The following EFNA5 variants were observed in gnomAD, a reference collection of about 807,000 sequenced individuals.
EFNA5 encodes the protein ephrin-A5.
Under a neutral mutation model 22.9 loss-of-function variants are expected in EFNA5, and 5 were observed. The ratio of observed to expected loss-of-function variants is 0.22; its 90% CI spans 0.11 to 0.46. EFNA5 has a LOEUF of 0.46. Among genes scored for constraint, EFNA5 ranks in the 20% least tolerant of loss-of-function variants. The pLI, the probability that EFNA5 is intolerant of heterozygous loss-of-function variation, is 0.99. For synonymous variants in EFNA5, 113 were observed against 112.2 expected (o/e 1.01, Z -0.04); for missense variants, 237 against 293.3 (o/e 0.81, Z 1.40).
chr5:107,587,808 C>T (rs759724552), intron 1 of EFNA5, among the ~76,000 whole-genome samples: 14 of 152,334 alleles, frequency 9.2e-5, no homozygotes, highest in South Asian at 2.1e-4. Context: ...TAAGCCACTG[C>T]GCCTGGCCTG....
At chr5:107,482,575 C>T (rs1416773066) in intron 1 of EFNA5, among the ~76,000 whole-genome samples, 2 of 152,092 alleles carry the variant, frequency 1.3e-5, no homozygotes, top group African/African-American at 4.8e-5. Context: ...CCTAGCTGCA[C>T]TGGGAGTTGC....
At chr5:107,453,075 A>G (rs1367870869) in intron 1 of EFNA5, among the ~76,000 whole-genome samples, 1 of 152,148 alleles carries the variant, frequency 6.6e-6, no homozygotes, top group African/African-American at 2.4e-5. Flanking sequence ...CTTTCTAAAG[A>G]CACTTTACTT....
chr5:107,534,678 T>C (rs886576676), intron 1 of EFNA5, among the ~76,000 whole-genome samples: 6 of 152,318 alleles, frequency 3.9e-5, no homozygotes, highest in Admixed American at 2.6e-4. Context: ...GTGCCAAACC[T>C]TAACCTCAAG....
At chr5:107,669,952 C>T (rs376063626) in intron 1 of EFNA5, among the ~76,000 whole-genome samples, 1 of 151,606 alleles carries the variant, frequency 6.6e-6, no homozygotes, top group East Asian at 2.0e-4. Context: ...AAAGCTTCCG[C>T]TTCCCAGCCC....
At chr5:107,579,103 C>A (rs1748987582) in intron 1 of EFNA5, among the ~76,000 whole-genome samples, 1 of 152,090 alleles carries the variant, frequency 6.6e-6, no homozygotes, top group South Asian at 2.1e-4. Flanking sequence ...ACTCTACATA[C>A]CCTCTCTACT....
chr5:107,581,375 G>A (rs1183046204), intron 1 of EFNA5, among the ~76,000 whole-genome samples: 4 of 152,164 alleles, frequency 2.6e-5, no homozygotes, highest in Non-Finnish European at 5.9e-5. Flanking sequence ...TTACCCCGGA[G>A]ACATGAAGGA....
intron 1 of EFNA5, among the ~76,000 whole-genome samples, chr5:107,655,038 T>C (rs1264117763): frequency 3.3e-5 from 5 of 152,068 alleles, no homozygotes; most frequent in African/African-American, 1.2e-4. Flanking sequence ...TGAGTAAGCC[T>C]GGCTAAGATG....
At chr5:107,400,830 C>T (rs757552365) in intron 2 of EFNA5, among the ~76,000 whole-genome samples, 1 of 152,204 alleles carries the variant, frequency 6.6e-6, no homozygotes, top group Non-Finnish European at 1.5e-5. Flanking sequence ...TATATTTCCT[C>T]TTGCTAATGC....
At chr5:107,561,600 C>G (rs1489213709) in intron 1 of EFNA5, among the ~76,000 whole-genome samples, 1 of 152,102 alleles carries the variant, frequency 6.6e-6, no homozygotes, top group Non-Finnish European at 1.5e-5. Flanking sequence ...GAACTCCTGA[C>G]CTCGTGACCC....
chr5:107,488,766 A>G (rs1746717013), intron 1 of EFNA5, among the ~76,000 whole-genome samples: 1 of 152,128 alleles, frequency 6.6e-6, no homozygotes, highest in Admixed American at 6.5e-5. Flanking sequence ...ATCTCAAATC[A>G]CTGCAACCTC....
At chr5:107,658,672 T>C (rs924781066) in intron 1 of EFNA5, among the ~76,000 whole-genome samples, 4 of 152,154 alleles carry the variant, frequency 2.6e-5, no homozygotes, top group Non-Finnish European at 5.9e-5. Flanking sequence ...CTCTCCCACT[T>C]AATTTTATCT....
chr5:107,521,209 TA>T (rs1388013602), intron 1 of EFNA5, among the ~76,000 whole-genome samples: 3 of 152,146 alleles, frequency 2.0e-5, no homozygotes, highest in Admixed American at 1.3e-4. Flanking sequence ...TCAGAACGCT[TA>T]CATTAGCCTA....
intron 1 of EFNA5, among the ~76,000 whole-genome samples, chr5:107,596,648 A>G (rs1050973280): frequency 2.0e-5 from 3 of 152,134 alleles, no homozygotes; most frequent in Non-Finnish European, 4.4e-5. Flanking sequence ...TGATAATTCA[A>G]TCTTTGGCCT....
chr5:107,469,247 C>T (rs1435821510), intron 1 of EFNA5, among the ~76,000 whole-genome samples: 1 of 152,158 alleles, frequency 6.6e-6, no homozygotes, highest in Admixed American at 6.5e-5. Context: ...TGCAGTTACA[C>T]TTTCAGGCCC....
chr5:107,438,635 C>G (rs1749177697), intron 1 of EFNA5, among the ~76,000 whole-genome samples: 1 of 152,160 alleles, frequency 6.6e-6, no homozygotes, highest in African/African-American at 2.4e-5. Flanking sequence ...AAGCTGGGAT[C>G]AGGAGAGGAA....
intron 2 of EFNA5, among the ~76,000 whole-genome samples, chr5:107,422,966 A>C (rs918362190): frequency 6.6e-6 from 1 of 152,176 alleles, no homozygotes; most frequent in African/African-American, 2.4e-5. Context: ...ATGTACCTTT[A>C]ACTAGGATTT....
At chr5:107,586,148 G>A (rs372214807) in intron 1 of EFNA5, among the ~76,000 whole-genome samples, 6 of 152,044 alleles carry the variant, frequency 3.9e-5, no homozygotes, top group African/African-American at 4.8e-5. Flanking sequence ...GGGATTGCTC[G>A]AATTCAGTTA....
intron 1 of EFNA5, among the ~76,000 whole-genome samples, chr5:107,543,260 A>C (rs1236288781): frequency 2.0e-5 from 3 of 152,254 alleles, no homozygotes; most frequent in Non-Finnish European, 4.4e-5. Flanking sequence ...AGGGAAAAAA[A>C]GCTGGGGACT....
In EFNA5 at chr5:107,431,200, G is replaced by T. The variant is rs537436142; in HGVS notation, c.126-3691C>A. Among the ~76,000 whole-genome samples, 6 of 152,170 alleles carry T rather than the reference G, an allele frequency of 3.9e-5. No homozygotes were observed. The South Asian group carries it at 1.2e-3, about 32-fold the overall frequency. On this transcript the variant is annotated intron_variant, in intron 1 of 4. Transcript: ENST00000333274. ...TAGTTTAGTAATGTACATTTCAAAG[G>T]GTGGACAATATAAATATAAAAACAA... is the stretch of plus-strand genomic sequence containing the variant.
Sources: allele counts gnomAD v4.1 joint callset (sites outside exome capture counted in the v4.1 genomes callset), GRCh38; gene constraint gnomAD v4.1.1; transcripts MANE v1.5; gene names NCBI Gene and HGNC (gene_info 2026-07-23, HGNC 2026-07-21).